Variants in RINT1 observed in about 807,000 individuals in gnomAD.
The protein encoded by RINT1 is RAD50-interacting protein 1.
In RINT1, 75 loss-of-function variants were observed where a neutral mutation model predicts 97.7. The observed-to-expected ratio is 0.77, with a 90% CI of 0.64 to 0.93. The LOEUF (loss-of-function observed/expected upper bound fraction) is 0.93. RINT1 is among the 40% of genes least tolerant of loss of function. The pLI is 0.00. For missense variants in RINT1, 892 were observed against 925.2 expected (o/e 0.96, Z 0.47); for synonymous variants, 303 against 326.3 (o/e 0.93, Z 0.77).
chr7:105,538,953 A>G (rs988580890), intron 3 of RINT1, among the ~76,000 whole-genome samples: 5 of 152,186 alleles, frequency 3.3e-5, no homozygotes, highest in African/African-American at 4.8e-5. Context: ...GGTCTTTTCC[A>G]TAAAACCTTA....
At chr7:105,549,130 G>A (rs1260465351) in intron 7 of RINT1, among the ~76,000 whole-genome samples, 1 of 151,696 alleles carries the variant, frequency 6.6e-6, no homozygotes, top group Non-Finnish European at 1.5e-5. Context: ...TGGGACTACA[G>A]GCACATGTCA....
At position 105,563,816 on chromosome 7, in the gene RINT1, C is replaced by G; in HGVS notation, c.1755C>G (p.Ala585=). The G allele has an allele frequency of 6.2e-7, 1 of 1,613,926 alleles. No homozygotes were observed. The highest frequency in any genetic ancestry group is 1.1e-5 in the South Asian group (1 of 91,072). The change falls in exon 12 of 15, where the codon GCC becomes GCG. Residue 585 remains alanine, a synonymous_variant. Coordinates refer to ENST00000257700, the MANE Select transcript of RINT1 (RefSeq NM_021930.6). ...TLSKLQLGQL[A]SMESSVFDDM... is the part of the protein sequence containing the mutation. ...GTAAATTGCAGCTAGGACAGCTAGC[C>G]TCTATGGAGAGCTCTGTCTTTGATG...
At chr7:105,566,560 T>C (rs1378974376) in intron 14 of RINT1, 1 of 152,024 alleles carries the variant, frequency 6.6e-6, no homozygotes, top group Non-Finnish European at 1.5e-5. Flanking sequence ...TAGTCCTAGC[T>C]ACTTGAGAGG....
At chr7:105,549,379 A>G (rs548469663) in intron 7 of RINT1, among the ~76,000 whole-genome samples, 82 of 147,832 alleles carry the variant, frequency 5.5e-4, no homozygotes, top group African/African-American at 1.9e-3. Context: ...ACGAAGTTTC[A>G]CTCTTGTTGC....
chr7:105,563,157 A>C (rs1025892759), intron 11 of RINT1, among the ~76,000 whole-genome samples: 9 of 152,212 alleles, frequency 5.9e-5, no homozygotes, highest in African/African-American at 2.2e-4. Context: ...GACAGTCACA[A>C]CCAACCATAC....
Position 105,555,232 on chromosome 7 carries a change from G to A in RINT1, c.1671+5G>A, listed in dbSNP as rs1052949054. The A allele has an allele frequency of 1.2e-6, 2 of 1,606,758 alleles. No homozygotes were observed. Among genetic ancestry groups the A allele is most frequent in the African/African-American group, 2.7e-5 (2 of 74,640 alleles). The stretch of plus-strand genomic sequence containing the variant: ...GCAGATTGGGCTGACAATGTTGTGA[G>A]TTAATATGCTTTTATATTAAGTAAT... On this transcript the variant is annotated splice_donor_5th_base_variant and intron_variant, in intron 11 of 14. Transcript: ENST00000257700.
intron 11 of RINT1, among the ~76,000 whole-genome samples, chr7:105,558,948 C>T (rs978396332): frequency 5.3e-5 from 8 of 151,626 alleles, no homozygotes; most frequent in Non-Finnish European, 7.4e-5. Flanking sequence ...CAACTCCCCC[C>T]GCCAAAAAAA....
At chr7:105,535,714 A>G (rs970819350) in intron 2 of RINT1, 1 of 345,504 alleles carries the variant, frequency 2.9e-6, no homozygotes, top group Non-Finnish European at 5.7e-6. Context: ...ATTCCTGGCT[A>G]ATTTTGTTAG....
chr7:105,551,827 A>C (rs1790940550), intron 10 of RINT1, 120 bp downstream of exon 10: 1 of 740,244 alleles, frequency 1.4e-6, no homozygotes, highest in South Asian at 2.7e-5. Flanking sequence ...GCACTTTGAG[A>C]GGCTGAGACG....
At chr7:105,542,116 TA>T in intron 3 of RINT1, 1 of 233,846 alleles carries the variant, frequency 4.3e-6, no homozygotes, top group Non-Finnish European at 8.2e-6. Flanking sequence ...AACGAACTAA[TA>T]AAAAAGGTTA....
chr7:105,556,069 CT>C lies in RINT1; in HGVS notation c.1671+856del, dbSNP rs201517822. Among the ~76,000 whole-genome samples the C allele has an allele frequency of 9.4e-3, 1,348 of 142,846 alleles. 34 individuals carry two copies. Among genetic ancestry groups the C allele is most frequent in the East Asian group, 0.075 (372 of 4,956 alleles). The allele number at this position is 142,846 out of a possible 152,430, so 93.7% of individuals were successfully genotyped here. On this transcript the variant is annotated intron_variant, in intron 11 of 14. Transcript: ENST00000257700. ...CTGTGGCGTGGCTATCACTCAACTT[CT>C]TTTTTTTTTTTTTGTGACAGAGTTT...
rs1791828175 is a variant in RINT1, at chr7:105,567,677, C to G, written c.*366C>G. On this transcript the variant is annotated 3_prime_UTR_variant, in exon 15 of 15. Transcript: ENST00000257700. ...TAGCCAATAAATTTTTTTAAAACTC[C>G]CTTTGAATGCATATTTGTAATTGAG... The G allele has an allele frequency of 1.7e-5, 9 of 518,914 alleles. No individual in the cohort carries two copies. The highest frequency in any genetic ancestry group is 2.4e-5 in the Non-Finnish European group (7 of 295,892). The allele number at this position is 518,914 out of a possible 1,614,324, so 32.1% of individuals were successfully genotyped here.
intron 6 of RINT1, 100 bp from the exon 7 acceptor site, chr7:105,548,454 G>C: frequency 9.6e-7 from 1 of 1,045,318 alleles, no homozygotes; most frequent in Non-Finnish European, 1.5e-6. Context: ...CTGAGTATCT[G>C]ATACATTTGT....
Position 105,546,802 on chromosome 7 carries a change from G to T in RINT1, c.516-108G>T, listed in dbSNP as rs572467699. On this transcript the variant is annotated intron_variant, in intron 4 of 14. Transcript: ENST00000257700. ...GAGGCGGGAGAATCACTTGAACCTG[G>T]GACACAGAATTTGCATTGAGCCAAA... is the stretch of plus-strand genomic sequence containing the variant. 5.4e-5 allele frequency: 39 copies of T among 716,716 alleles called. No individual in the cohort carries two copies. In the East Asian group the frequency reaches 8.7e-4, roughly 16 times the overall value. The allele number at this position is 716,716 out of a possible 1,614,324, so 44.4% of individuals were successfully genotyped here. A position where few individuals can be genotyped will look rare whatever the true frequency, so the allele number is the denominator to read the frequency against.
rs1235698154 is a variant in RINT1 at position 105,551,475 on chromosome 7, TA to T, written c.1334-94del. The stretch of plus-strand genomic sequence containing the variant: ...GGATATTGTAGGTTTGTTTCTTTTT[TA>T]TAGAAAAGCCATCATTCCTAAAAAA... On this transcript the variant is annotated intron_variant, in intron 9 of 14. Coordinates refer to ENST00000257700, the MANE Select transcript of RINT1 (RefSeq NM_021930.6). 2.7e-6 allele frequency: 3 copies of T among 1,113,154 alleles called. No homozygotes were observed. In the East Asian group the frequency reaches 7.6e-5, roughly 28 times the overall value. 69.0% of individuals were successfully genotyped at this position (1,113,154 alleles called of 1,614,324 possible).
At chr7:105,565,120 T>C in intron 12 of RINT1, 157 bp from the exon 13 acceptor site, 1 of 533,304 alleles carries the variant, frequency 1.9e-6, no homozygotes, top group Admixed American at 3.4e-5. Context: ...TAAATACAGG[T>C]ACATTTATTT....
chr7:105,551,838 G>T, intron 10 of RINT1, 131 bp downstream of exon 10: 1 of 649,990 alleles, frequency 1.5e-6, no homozygotes. Flanking sequence ...GGCTGAGACG[G>T]GCAGGTTGCT....
chr7:105,534,446 C>T (rs1790149914), intron 2 of RINT1, among the ~76,000 whole-genome samples: 1 of 151,956 alleles, frequency 6.6e-6, no homozygotes, highest in Admixed American at 6.6e-5. Context: ...AAAACATTTC[C>T]TGCCTCCATT....
Position 105,565,317 on chromosome 7 carries a change from T to A in RINT1, c.1927T>A (p.Ser643Thr). 1.2e-6 allele frequency: 2 copies of A among 1,614,210 alleles called. No homozygotes were observed. Among genetic ancestry groups the A allele is most frequent in the Non-Finnish European group, 1.7e-6 (2 of 1,180,002 alleles). ...LPSQSEQAVM[S>T]LSSSACPLLL... is the part of the protein sequence containing the mutation. ...ATCTCAGTCAGAGCAGGCAGTGATG[T>A]CCCTGTCCAGTTCGGCTTGCCCGTT... Residue 643 changes from serine (S) to threonine (T), a missense_variant, in exon 13 of 15, where the codon TCC becomes ACC. Transcript: ENST00000257700.
Sources: gnomAD v4.1 joint callset for allele counts (sites outside exome capture counted in the v4.1 genomes callset) on GRCh38, gnomAD v4.1.1 for gene constraint, MANE v1.5 for transcripts, NCBI Gene and HGNC (gene_info 2026-07-23, HGNC 2026-07-21) for gene names.